Variants in SAR1A observed in about 807,000 individuals in gnomAD.
SAR1A encodes small COPII coat GTPase SAR1A.
A neutral mutation model predicts 22.6 loss-of-function variants in SAR1A; 6 were observed. The observed-to-expected ratio is 0.27, with a 90% confidence interval of 0.15 to 0.52. SAR1A has a LOEUF of 0.52. Ranked by LOEUF, SAR1A falls within the 20% of genes least tolerant of loss-of-function variation. SAR1A has a pLI of 0.96. For missense variants in SAR1A, 145 were observed against 245.1 expected, an observed-to-expected ratio of 0.59 and a Z score of 2.73; for synonymous variants, 70 against 82.2, an observed-to-expected ratio of 0.85 and a Z score of 0.80.
At chr10:70,155,231 A>C (rs1256505591) in intron 5 of SAR1A, 1 of 428,354 alleles carries the variant, frequency 2.3e-6, no homozygotes, top group East Asian at 7.1e-5. Context: ...ATCATGATCT[A>C]GCTTAAGGTA....
chr10:70,153,803 G>A (rs1220635764), intron 6 of SAR1A, 35 bp downstream of exon 6: 2 of 1,528,296 alleles, frequency 1.3e-6, no homozygotes, highest in Non-Finnish European at 8.8e-7. Context: ...AACTGTTAAT[G>A]TCCTTTATAT....
intron 1 of SAR1A, chr10:70,163,631 G>T: frequency 1.4e-6 from 1 of 715,870 alleles, no homozygotes; most frequent in South Asian, 1.5e-5. Flanking sequence ...TGGAGCAAGT[G>T]AGCGAGCAGA....
In SAR1A at chr10:70,161,850, G is replaced by C; in HGVS notation, c.58+8C>G. The C allele has an allele frequency of 1.2e-6, 2 of 1,613,554 alleles. No individual in the cohort carries two copies. The highest frequency in any genetic ancestry group is 1.7e-6 in the Non-Finnish European group (2 of 1,179,806). ...TTTGAAACCTGTATTTCAAGGAAATGGCTTTACCTAGGAACTGGAGCACAC... is the reference window on the plus strand; with the variant it reads ...TTTGAAACCTGTATTTCAAGGAAATCGCTTTACCTAGGAACTGGAGCACAC... On this transcript the variant is annotated splice_region_variant and intron_variant, in intron 2 of 6. Transcript: ENST00000373241.
At chr10:70,168,810 A>G (rs997938789) in intron 1 of SAR1A, among the ~76,000 whole-genome samples, 6 of 151,936 alleles carry the variant, frequency 3.9e-5, no homozygotes, top group African/African-American at 1.5e-4. Context: ...ACTGCTACCC[A>G]AAGTTAAGAA....
intron 1 of SAR1A, among the ~76,000 whole-genome samples, chr10:70,164,947 A>G (rs1839527032): frequency 6.6e-6 from 1 of 152,222 alleles, no homozygotes; most frequent in Non-Finnish European, 1.5e-5. Context: ...GTCTACTAAC[A>G]ACATCCATTC....
At chr10:70,156,206 TGTA>T (rs1169337702) in intron 5 of SAR1A, among the ~76,000 whole-genome samples, 4 of 152,238 alleles carry the variant, frequency 2.6e-5, no homozygotes, top group African/African-American at 9.6e-5. Context: ...GTCACTGACA[TGTA>T]GGTGCCAAAT....
chr10:70,157,401 CAAAAAAAAAA>C (rs55801259), intron 5 of SAR1A, among the ~76,000 whole-genome samples: 3,571 of 131,104 alleles, frequency 0.027, 156 homozygotes, highest in African/African-American at 0.1. Context: ...AAGACTCCGT[CAAAAAAAAAA>C]AAAAAAAAAA....
intron 5 of SAR1A, among the ~76,000 whole-genome samples, chr10:70,155,329 G>C (rs1458429687): frequency 1.3e-5 from 2 of 151,918 alleles, no homozygotes; most frequent in Non-Finnish European, 1.5e-5. Context: ...ATTTAAAAAA[G>C]ACAAATGAGT....
At position 70,149,665 on chromosome 10, in the gene SAR1A, C is replaced by G. The variant is rs575483745; in HGVS notation, c.*2811G>C. The G allele has an allele frequency of 3.5e-5, 5 of 143,522 alleles. No individual in the cohort carries two copies. The South Asian group carries it at 1.1e-3, about 32-fold the overall frequency. The allele number at this position is 143,522 out of a possible 1,614,324, so 8.9% of individuals were successfully genotyped here. A position where few individuals can be genotyped will look rare whatever the true frequency, so the allele number is the denominator to read the frequency against. Reference sequence around the variant, plus strand: ...CCACCTCCTAGTTCAAGCGATTCTCCGCCTCAGCCTCCAGAGTAGCTGGGA... The same window carrying G: ...CCACCTCCTAGTTCAAGCGATTCTCGGCCTCAGCCTCCAGAGTAGCTGGGA... On this transcript the variant is annotated 3_prime_UTR_variant, in exon 7 of 7. Coordinates refer to ENST00000373241, the MANE Select transcript of SAR1A (RefSeq NM_020150.5).
chr10:70,166,501 A>G lies in SAR1A; in HGVS notation c.-17+3912T>C, dbSNP rs924375480. Among the ~76,000 whole-genome samples the G allele has an allele frequency of 2.4e-4, 36 of 152,350 alleles. 5 individuals are homozygous for G. Among genetic ancestry groups the G allele is most frequent in the Admixed American group, 1.9e-3 (29 of 15,304 alleles). On this transcript the variant is annotated intron_variant, in intron 1 of 6. Coordinates refer to ENST00000373241, the MANE Select transcript of SAR1A (RefSeq NM_020150.5). ...AAAGTCACCCAAAATTCTACTGGCC[A>G]GCACCACTTGCCCTGCTCCATTTAC... is the stretch of plus-strand genomic sequence containing the variant.
Position 70,156,398 on chromosome 10 carries a change from C to G in SAR1A, c.348+1366G>C, listed in dbSNP as rs373272921. ...AGAGAATGGAGACCATGCATGGTGG[C>G]TCATGCCTGTAATCCCAGCACCTCA... On this transcript the variant is annotated intron_variant, in intron 5 of 6. Coordinates refer to ENST00000373241, the MANE Select transcript of SAR1A (RefSeq NM_020150.5). Among the ~76,000 whole-genome samples the G allele has an allele frequency of 2.6e-4, 39 of 152,276 alleles. No individual in the cohort carries two copies. In the East Asian group the frequency reaches 4.4e-3, roughly 17 times the overall value.
At chr10:70,161,552 G>T in intron 3 of SAR1A, 67 bp downstream of exon 3, 1 of 1,569,922 alleles carries the variant, frequency 6.4e-7, no homozygotes, top group South Asian at 1.2e-5. Flanking sequence ...ACCAACTAGG[G>T]ATTCATCCTC....
At position 70,150,537 on chromosome 10, in the gene SAR1A, A is replaced by C. The variant is rs1320796236; in HGVS notation, c.*1939T>G. 1 of 152,144 alleles carries C rather than the reference A, an allele frequency of 6.6e-6. No individual in the cohort carries two copies. The highest frequency in any genetic ancestry group is 1.5e-5 in the Non-Finnish European group (1 of 68,004). 9.4% of individuals were successfully genotyped at this position (152,144 alleles called of 1,614,324 possible). A position where few individuals can be genotyped will look rare whatever the true frequency, so the allele number is the denominator to read the frequency against. On this transcript the variant is annotated 3_prime_UTR_variant, in exon 7 of 7. Transcript: ENST00000373241. Reference sequence around the variant, plus strand: ...ACCCACAGATTTCTAGCTTGCAACAAAGTGACAAGGGACAAATAGGGGAAA... The same window carrying C: ...ACCCACAGATTTCTAGCTTGCAACACAGTGACAAGGGACAAATAGGGGAAA...
chr10:70,157,787 C>T lies in SAR1A; in HGVS notation c.325G>A (p.Val109Met), dbSNP rs773757432. 1.4e-5 allele frequency: 22 copies of T among 1,613,120 alleles called. No homozygotes were observed. The highest frequency in any genetic ancestry group is 1.3e-4 in the Admixed American group (8 of 59,994). The change falls in exon 5 of 7, where the codon GTG (valine) becomes ATG (methionine). Residue 109 changes from valine to methionine, a missense_variant. Val to Met is a conservative substitution (Grantham distance 21). Transcript: ENST00000373241. Reference protein sequence around the residue: ...LVDCADHSRLVESKVELNALM... With the variant: ...LVDCADHSRLMESKVELNALM... ...ACATTAAGCTCAACTTTGGATTCCA[C>T]GAGGCGAGAATGATCTGCACAGTCC...
Position 70,149,569 on chromosome 10 carries a change from T to TTTTTTTTTTA in SAR1A, c.*2906_*2907insTAAAAAAAAA, listed in dbSNP as rs1589871699. The TTTTTTTTTTA allele has an allele frequency of 6.9e-6, 1 of 143,940 alleles. No individual in the cohort carries two copies. 8.9% of individuals were successfully genotyped at this position (143,940 alleles called of 1,614,324 possible). On this transcript the variant is annotated 3_prime_UTR_variant, in exon 7 of 7. Coordinates refer to ENST00000373241, the MANE Select transcript of SAR1A (RefSeq NM_020150.5). ...TTGATTTTTTTTTTTTTTTTTTTTT[T>TTTTTTTTTTA]GAGCTAGAGAGAGTCTTGCTCTGTC...
chr10:70,169,456 G>T (rs1160730911), intron 1 of SAR1A, among the ~76,000 whole-genome samples: 1 of 152,160 alleles, frequency 6.6e-6, no homozygotes, highest in Non-Finnish European at 1.5e-5. Context: ...TTTAAGGTAG[G>T]TCTCTAAACT....
rs1456608275 is a variant in SAR1A at position 70,151,518 on chromosome 10, T to G, written c.*958A>C. On this transcript the variant is annotated 3_prime_UTR_variant, in exon 7 of 7. Transcript: ENST00000373241. The stretch of plus-strand genomic sequence containing the variant: ...TTAAGCTGTTAACTTTGTCCTGTCT[T>G]CCTATTCAGAAAAATGTCCCCCTAG... 6.6e-6 allele frequency: 1 copy of G among 152,460 alleles called. No individual in the cohort carries two copies. The highest frequency in any genetic ancestry group is 1.5e-5 in the Non-Finnish European group (1 of 68,024). 9.4% of individuals were successfully genotyped at this position (152,460 alleles called of 1,614,324 possible). A position where few individuals can be genotyped will look rare whatever the true frequency, so the allele number is the denominator to read the frequency against.
rs964521768 is a variant in SAR1A at position 70,150,506 on chromosome 10, T to C, written c.*1970A>G. The C allele has an allele frequency of 6.6e-6, 1 of 152,124 alleles. No individual in the cohort carries two copies. Among genetic ancestry groups the C allele is most frequent in the East Asian group, 1.9e-4 (1 of 5,194 alleles). The allele number at this position is 152,124 out of a possible 1,614,324, so 9.4% of individuals were successfully genotyped here. ...ACCACTTTCACAAAGAGCTGCCCTA[T>C]GTATAACCCACAGATTTCTAGCTTG... is the stretch of plus-strand genomic sequence containing the variant. On this transcript the variant is annotated 3_prime_UTR_variant, in exon 7 of 7. Transcript: ENST00000373241.
intron 4 of SAR1A, among the ~76,000 whole-genome samples, chr10:70,158,374 C>T (rs751949280): frequency 6.6e-6 from 1 of 152,192 alleles, no homozygotes; most frequent in Admixed American, 6.5e-5. Context: ...TGTGTGTAGG[C>T]GTCTTGACAC....
Sources: allele counts gnomAD v4.1 joint callset (sites outside exome capture counted in the v4.1 genomes callset), GRCh38; gene constraint gnomAD v4.1.1; transcripts MANE v1.5; gene names NCBI Gene and HGNC (gene_info 2026-07-23, HGNC 2026-07-21).